RYR3: variants seen among roughly 807,000 people sequenced by gnomAD.
RYR3 encodes brain ryanodine receptor-calcium release channel.
Under a neutral mutation model 584.3 loss-of-function variants are expected in RYR3, and 207 were observed. The ratio of observed to expected loss-of-function variants is 0.35; its 90% CI spans 0.32 to 0.40. The LOEUF is 0.40. Ranked by LOEUF, RYR3 falls within the 10% of genes least tolerant of loss-of-function variation. The probability of loss-of-function intolerance (pLI) is 1.00; values close to 1 mark genes in which losing one functional copy is unlikely to be tolerated. For synonymous variants in RYR3, 2,416 were observed against 2,248.5 expected (o/e 1.07, Z -2.11); for missense variants, 5,616 against 6,089.2 (o/e 0.92, Z 2.59).
At chr15:33,619,770 C>G (rs898518801) in intron 19 of RYR3, among the ~76,000 whole-genome samples, 2 of 152,156 alleles carry the variant, frequency 1.3e-5, no homozygotes, top group Non-Finnish European at 2.9e-5. Flanking sequence ...TTGGCCAGCT[C>G]CTATTGCAGA....
intron 14 of RYR3, among the ~76,000 whole-genome samples, chr15:33,583,318 T>A (rs2058685405): frequency 6.6e-6 from 1 of 152,256 alleles, no homozygotes; most frequent in Non-Finnish European, 1.5e-5. Flanking sequence ...CCTTTCCAGC[T>A]GTGTTCACTG....
chr15:33,651,553 G>T (rs958233310), intron 31 of RYR3, among the ~76,000 whole-genome samples: 5 of 152,230 alleles, frequency 3.3e-5, no homozygotes, highest in African/African-American at 1.2e-4. Context: ...GAACCTCGGA[G>T]AATCCTAATT....
chr15:33,465,588 C>T (rs2048416489), intron 1 of RYR3: 3 of 407,994 alleles, frequency 7.4e-6, no homozygotes, highest in Non-Finnish European at 1.4e-5. Context: ...TCTGCCTTTT[C>T]CTTAAGTAAG....
chr15:33,788,348 C>T lies in RYR3; in HGVS notation c.9720C>T (p.Gly3240=), dbSNP rs779396191. 1 of 1,613,810 alleles carries T rather than the reference C, an allele frequency of 6.2e-7. No individual in the cohort carries two copies. The highest frequency in any genetic ancestry group is 8.5e-7 in the Non-Finnish European group (1 of 1,179,872). Residue 3240 remains glycine (G), a synonymous_variant, in exon 67 of 104, where the codon GGC becomes GGT. Coordinates refer to ENST00000634891, the MANE Select transcript of RYR3 (RefSeq NM_001036.6). ...VQEEEQLKAD[G]KGDTQEAELL... ...AGGAGGAGCAGTTGAAAGCCGATGG[C>T]AAAGGGGACACCCAGGAGGCAGAAC...
intron 16 of RYR3, among the ~76,000 whole-genome samples, chr15:33,589,284 G>C (rs1176873527): frequency 6.6e-6 from 1 of 152,046 alleles, no homozygotes; most frequent in African/African-American, 2.4e-5. Context: ...CATGTCCTTT[G>C]CTCACTTTTT....
chr15:33,735,456 C>A (rs1281953246), intron 48 of RYR3, among the ~76,000 whole-genome samples: 1 of 152,194 alleles, frequency 6.6e-6, no homozygotes, highest in Admixed American at 6.5e-5. Flanking sequence ...GCTTTACCTC[C>A]TTAGCTCCTT....
chr15:33,433,519 G>T (rs959920401), intron 1 of RYR3, among the ~76,000 whole-genome samples: 1 of 151,740 alleles, frequency 6.6e-6, no homozygotes, highest in South Asian at 2.1e-4. Context: ...AGGACAATTA[G>T]GGAAGATAGA....
intron 16 of RYR3, among the ~76,000 whole-genome samples, chr15:33,600,389 T>C (rs984182186): frequency 6.6e-6 from 1 of 152,108 alleles, no homozygotes; most frequent in Non-Finnish European, 1.5e-5. Context: ...ATTTGTCGAC[T>C]GCTGTTTGCG....
At chr15:33,599,274 G>A (rs1296110829) in intron 16 of RYR3, among the ~76,000 whole-genome samples, 1 of 152,198 alleles carries the variant, frequency 6.6e-6, no homozygotes, top group East Asian at 1.9e-4. Context: ...ACCAAAATGT[G>A]AACCCAGAAA....
At chr15:33,860,876 T>C (rs1356273557) in intron 101 of RYR3, among the ~76,000 whole-genome samples, 1 of 151,550 alleles carries the variant, frequency 6.6e-6, no homozygotes, top group Non-Finnish European at 1.5e-5. Flanking sequence ...AGCAGTATCC[T>C]CAGCTAATCA....
At chr15:33,598,354 A>G (rs184978440) in intron 16 of RYR3, among the ~76,000 whole-genome samples, 2 of 151,962 alleles carry the variant, frequency 1.3e-5, no homozygotes, top group Non-Finnish European at 2.9e-5. Flanking sequence ...TAGCCTTTTA[A>G]CTAAGCTGAC....
At chr15:33,569,177 T>C (rs1474375173) in intron 12 of RYR3, among the ~76,000 whole-genome samples, 1 of 152,230 alleles carries the variant, frequency 6.6e-6, no homozygotes, top group Non-Finnish European at 1.5e-5. Context: ...TGTAAAAGTT[T>C]TCAGATATGG....
At chr15:33,723,942 C>A in intron 44 of RYR3, 123 bp from the exon 45 acceptor site, 1 of 608,440 alleles carries the variant, frequency 1.6e-6, no homozygotes, top group Middle Eastern at 4.4e-4. Flanking sequence ...AGACGAGGTT[C>A]CAAGGGAAAG....
intron 1 of RYR3, among the ~76,000 whole-genome samples, chr15:33,387,861 CAA>C (rs1312312820): frequency 6.6e-6 from 1 of 151,698 alleles, no homozygotes; most frequent in Non-Finnish European, 1.5e-5. Flanking sequence ...TAGAGAAAAA[CAA>C]TGATGGAGAA....
At position 33,557,502 on chromosome 15, in the gene RYR3, G is replaced by A. The variant is rs368989496; in HGVS notation, c.973-5335G>A. On this transcript the variant is annotated intron_variant, in intron 10 of 103. Transcript: ENST00000634891. ...CTGGTTCAAGCAATTCTTCTGCCTC[G>A]GCTTCCTGAGTAGCTGGGATTACAG... Among the ~76,000 whole-genome samples, 230 of 152,018 alleles carry A rather than the reference G, an allele frequency of 1.5e-3. 2 individuals are homozygous for A. The Middle Eastern group carries it at 0.017, about 11-fold the overall frequency.
intron 100 of RYR3, 84 bp downstream of exon 100, chr15:33,859,815 T>G: frequency 1.5e-6 from 2 of 1,353,526 alleles, no homozygotes; most frequent in Non-Finnish European, 2.0e-6. Context: ...AATTGGTTTA[T>G]GAAGAAGCGT....
chr15:33,442,674 C>T (rs747491516), intron 1 of RYR3, among the ~76,000 whole-genome samples: 7 of 152,228 alleles, frequency 4.6e-5, no homozygotes, highest in Admixed American at 2.6e-4. Flanking sequence ...ATATGCCTTC[C>T]TCAAGCCAAA....
rs768641537 is a variant in RYR3 at position 33,701,087 on chromosome 15, G to A, written c.6483+7G>A. On this transcript the variant is annotated splice_region_variant and intron_variant, in intron 42 of 103. Transcript: ENST00000634891. ...GGAACCAGACCTCGAGAAGGTAACC[G>A]GCCCTTGGGGTGGCAGTGTGGTGTT... 10 of 1,599,534 alleles carry A rather than the reference G, an allele frequency of 6.3e-6. No individual in the cohort carries two copies. The East Asian group carries it at 2.0e-4, about 32-fold the overall frequency.
At chr15:33,379,687 C>CTCTATATATATATATA in intron 1 of RYR3, among the ~76,000 whole-genome samples, 1 of 125,500 alleles carries the variant, frequency 8.0e-6, no homozygotes, top group Non-Finnish European at 1.6e-5. Context: ...CTCTCTCTCT[C>CTCTATATATATATATA]TATATATATA....
Sources: allele counts gnomAD v4.1 joint callset (sites outside exome capture counted in the v4.1 genomes callset), GRCh38; gene constraint gnomAD v4.1.1; transcripts MANE v1.5; gene names NCBI Gene and HGNC (gene_info 2026-07-23, HGNC 2026-07-21).